Variants in WIPI2 observed in about 807,000 individuals in gnomAD.
WIPI2 encodes the protein WD repeat domain phosphoinositide-interacting protein 2.
WIPI2 carries 28 observed loss-of-function variants against 52.3 expected under a neutral mutation model. The ratio of observed to expected loss-of-function variants is 0.54; its 90% CI spans 0.40 to 0.73. WIPI2 has a LOEUF of 0.73. Ranked by LOEUF, WIPI2 falls within the 30% of genes least tolerant of loss-of-function variation. The pLI is 0.00. For missense variants in WIPI2, 506 were observed against 602.9 expected (o/e 0.84, Z 1.68); for synonymous variants, 268 against 245.0 (o/e 1.09, Z -0.88).
At chr7:5,204,344 G>A (rs935310427) in intron 3 of WIPI2, among the ~76,000 whole-genome samples, 2 of 152,144 alleles carry the variant, frequency 1.3e-5, no homozygotes, top group Non-Finnish European at 2.9e-5. Flanking sequence ...GCGCGCTCCT[G>A]TAATCCCAGC....
intron 6 of WIPI2, chr7:5,217,678 T>G: frequency 3.9e-6 from 2 of 514,720 alleles, no homozygotes; most frequent in Non-Finnish European, 7.1e-6. Flanking sequence ...AGTGCTGAGC[T>G]CCTCGCCACG....
At chr7:5,229,494 C>A in intron 11 of WIPI2, 114 bp from the exon 12 acceptor site, 1 of 1,294,320 alleles carries the variant, frequency 7.7e-7, no homozygotes, top group Non-Finnish European at 1.0e-6. Context: ...GAATGCCTGG[C>A]GTCCTGTGTG....
chr7:5,200,277 T>C (rs1030648592), intron 3 of WIPI2, among the ~76,000 whole-genome samples: 1 of 152,184 alleles, frequency 6.6e-6, no homozygotes, highest in Non-Finnish European at 1.5e-5. Flanking sequence ...TGTGCAAAAA[T>C]AGTATTTGCT....
chr7:5,192,854 A>G (rs1781545589), intron 1 of WIPI2, among the ~76,000 whole-genome samples: 1 of 152,202 alleles, frequency 6.6e-6, no homozygotes, highest in South Asian at 2.1e-4. Flanking sequence ...ACCGTCTAGA[A>G]CTCACATTTA....
chr7:5,222,691 C>T lies in WIPI2; in HGVS notation c.740+19C>T, dbSNP rs766364604. ...TAAAGAGGTAAAGTACGTGAATGTCCAGAATGGATTCTGGAGGTTGTATTT... is the reference window on the plus strand; with the variant it reads ...TAAAGAGGTAAAGTACGTGAATGTCTAGAATGGATTCTGGAGGTTGTATTT... On this transcript the variant is annotated intron_variant, in intron 8 of 12. Coordinates refer to ENST00000288828, the MANE Select transcript of WIPI2 (RefSeq NM_015610.4). The T allele has an allele frequency of 7.5e-6, 12 of 1,607,272 alleles. No homozygotes were observed. The highest frequency in any genetic ancestry group is 1.0e-5 in the Non-Finnish European group (12 of 1,174,524).
At chr7:5,198,301 A>G (rs989516920) in intron 2 of WIPI2, among the ~76,000 whole-genome samples, 2 of 151,830 alleles carry the variant, frequency 1.3e-5, no homozygotes, top group Admixed American at 1.3e-4. Context: ...TAAAATTTAG[A>G]AAATTCACTT....
chr7:5,213,093 G>C (rs984369278), intron 3 of WIPI2: 1 of 152,182 alleles, frequency 6.6e-6, no homozygotes, highest in Non-Finnish European at 1.5e-5. Flanking sequence ...CCTCCTGATC[G>C]TGCCTTTCGT....
rs562181165 is a variant in WIPI2 at position 5,219,163 on chromosome 7, C to G, written c.669+1149C>G. ...ATCTTCATTACCTCATTTGTTTCCCCTCAGCAAGGTAAACAGTTCTCTGTT... is the reference window on the plus strand; with the variant it reads ...ATCTTCATTACCTCATTTGTTTCCCGTCAGCAAGGTAAACAGTTCTCTGTT... On this transcript the variant is annotated intron_variant, in intron 7 of 12. Transcript: ENST00000288828. 3 of 152,358 alleles carry G rather than the reference C, an allele frequency of 2.0e-5. No individual in the cohort carries two copies. In the South Asian group the frequency reaches 6.2e-4, roughly 32 times the overall value. 9.4% of individuals were successfully genotyped at this position (152,358 alleles called of 1,614,324 possible). A position where few individuals can be genotyped will look rare whatever the true frequency, so the allele number is the denominator to read the frequency against.
At chr7:5,220,720 C>G (rs6951007) in intron 7 of WIPI2, among the ~76,000 whole-genome samples, 1 of 151,776 alleles carries the variant, frequency 6.6e-6, no homozygotes, top group Non-Finnish European at 1.5e-5. Context: ...TAGTGTTTCT[C>G]CTGTCTTGGC....
In WIPI2 at chr7:5,227,126, G is replaced by C; in HGVS notation, c.849-54G>C. ...TGTGCGTCTGTGTGAGTAGGGGGTGGCCGTCCCCCCAGGGAGGGTGCAGCT... is the reference window on the plus strand; with the variant it reads ...TGTGCGTCTGTGTGAGTAGGGGGTGCCCGTCCCCCCAGGGAGGGTGCAGCT... On this transcript the variant is annotated intron_variant, in intron 9 of 12. Transcript: ENST00000288828. This position sits in a 1 kb window ranked among gnomAD's most constrained non-coding sequence, Gnocchi z 8.1. 17 of 1,604,242 alleles carry C rather than the reference G, an allele frequency of 1.1e-5. No individual in the cohort carries two copies. Among genetic ancestry groups the C allele is most frequent in the Non-Finnish European group, 1.4e-5 (17 of 1,174,928 alleles).
intron 3 of WIPI2, among the ~76,000 whole-genome samples, chr7:5,209,363 A>G (rs1310516468): frequency 6.6e-6 from 1 of 152,218 alleles, no homozygotes; most frequent in African/African-American, 2.4e-5. Flanking sequence ...CCTTGTTTCT[A>G]GTCTTAACGG....
At chr7:5,215,706 A>G (rs542847898) in intron 4 of WIPI2, among the ~76,000 whole-genome samples, 1 of 152,366 alleles carries the variant, frequency 6.6e-6, no homozygotes, top group South Asian at 2.1e-4. Flanking sequence ...GTTAACTGAC[A>G]TAGTTGGTTA....
At chr7:5,205,896 T>A (rs1415726494) in intron 3 of WIPI2, among the ~76,000 whole-genome samples, 3 of 131,564 alleles carry the variant, frequency 2.3e-5, no homozygotes, top group African/African-American at 5.6e-5. Flanking sequence ...TTTTTTTTTT[T>A]AACTACCTGT....
At chr7:5,222,453 G>A (rs1459390025) in intron 7 of WIPI2, 149 bp from the exon 8 acceptor site, 1 of 765,114 alleles carries the variant, frequency 1.3e-6, no homozygotes, top group African/African-American at 1.8e-5. Context: ...ATGTTCAAGG[G>A]GGGCCCTGGG....
rs552344511 is a variant in WIPI2 at position 5,230,792 on chromosome 7, G to A, written c.1253-43G>A. Reference sequence around the variant, plus strand: ...CAGTGTGTGTCATGGGGTCTGTGGTGTGTCCCCAGCCTTTGAAGGGTGACT... The same window carrying A: ...CAGTGTGTGTCATGGGGTCTGTGGTATGTCCCCAGCCTTTGAAGGGTGACT... On this transcript the variant is annotated intron_variant, in intron 12 of 12. Coordinates refer to ENST00000288828, the MANE Select transcript of WIPI2 (RefSeq NM_015610.4). This position sits in a 1 kb window ranked among gnomAD's most constrained non-coding sequence, Gnocchi z 4.8. 3.3e-6 allele frequency: 5 copies of A among 1,518,320 alleles called. No homozygotes were observed. Among genetic ancestry groups the A allele is most frequent in the Admixed American group, 3.5e-5 (2 of 56,420 alleles). 94.1% of individuals were successfully genotyped at this position (1,518,320 alleles called of 1,614,324 possible).
chr7:5,209,982 G>C (rs571782287), intron 3 of WIPI2, among the ~76,000 whole-genome samples: 13 of 152,078 alleles, frequency 8.5e-5, no homozygotes, highest in African/African-American at 3.1e-4. Context: ...ATCTCGGCTG[G>C]CTGCAACCTC....
chr7:5,216,569 A>G lies in WIPI2; in HGVS notation c.388A>G (p.Ile130Val), dbSNP rs754069360. ...LAVKLNRQRL[I>V]VCLEESLYIH... Reference sequence around the variant, plus strand: ...CGTTTTGTCTCTCGCCTAGAGGCTGATAGTATGCCTGGAGGAGTCCCTGTA... The same window carrying G: ...CGTTTTGTCTCTCGCCTAGAGGCTGGTAGTATGCCTGGAGGAGTCCCTGTA... The change falls in exon 5 of 13, where the codon ATA becomes GTA. Residue 130 changes from isoleucine to valine, a missense_variant. Transcript: ENST00000288828. 5 of 1,614,150 alleles carry G rather than the reference A, an allele frequency of 3.1e-6. No individual in the cohort carries two copies. In the South Asian group the frequency reaches 5.5e-5, roughly 18 times the overall value.
At chr7:5,221,740 C>G (rs879290423) in intron 7 of WIPI2, among the ~76,000 whole-genome samples, 2 of 152,108 alleles carry the variant, frequency 1.3e-5, no homozygotes, top group African/African-American at 2.4e-5. Context: ...CCTTGTATTC[C>G]TAGTTCTTTG....
rs372839506 is a variant in WIPI2, at chr7:5,222,697, G to A, written c.740+25G>A. Reference sequence around the variant, plus strand: ...GGTAAAGTACGTGAATGTCCAGAATGGATTCTGGAGGTTGTATTTGGATTT... The same window carrying A: ...GGTAAAGTACGTGAATGTCCAGAATAGATTCTGGAGGTTGTATTTGGATTT... On this transcript the variant is annotated intron_variant, in intron 8 of 12. Coordinates refer to ENST00000288828, the MANE Select transcript of WIPI2 (RefSeq NM_015610.4). 1.9e-5 allele frequency: 30 copies of A among 1,582,058 alleles called. No individual in the cohort carries two copies. The African/African-American group carries it at 2.8e-4, about 15-fold the overall frequency.
Sources: gnomAD v4.1 joint callset for allele counts (sites outside exome capture counted in the v4.1 genomes callset) on GRCh38, gnomAD v4.1.1 for gene constraint, Gnocchi (gnomAD v3.1) non-coding constraint, MANE v1.5 for transcripts, NCBI Gene and HGNC (gene_info 2026-07-23, HGNC 2026-07-21) for gene names.